Variants in ATP5IF1 observed in about 807,000 individuals in gnomAD.
ATP5IF1 encodes ATPase inhibitor, mitochondrial.
Under a neutral mutation model 8.5 loss-of-function variants are expected in ATP5IF1, and 12 were observed. That is an observed-to-expected ratio of 1.41 (90% CI 0.90 to 2.28). The LOEUF is 2.28. ATP5IF1 is among the 30% of genes most tolerant of loss of function. The pLI, the probability that ATP5IF1 is intolerant of heterozygous loss-of-function variation, is 0.00. For missense variants in ATP5IF1, 154 were observed against 140.2 expected, an observed-to-expected ratio of 1.10 and a Z score of -0.50; for synonymous variants, 51 against 53.4, an observed-to-expected ratio of 0.96 and a Z score of 0.19.
intron 2 of ATP5IF1, chr1:28,236,883 C>T (rs1402359532): frequency 8.9e-7 from 1 of 1,128,358 alleles, no homozygotes; most frequent in Non-Finnish European, 1.1e-6. Flanking sequence ...CCTTCCTCGC[C>T]AGCACGCCTT....
In ATP5IF1 at chr1:28,236,194, CG is replaced by C. The variant is rs1647032717; in HGVS notation, c.13del (p.Ala5ArgfsTer13). The C allele has an allele frequency of 6.2e-7, 1 of 1,613,394 alleles. No homozygotes were observed. Among genetic ancestry groups the C allele is most frequent in the East Asian group, 2.2e-5 (1 of 44,880 alleles). MAV[T>X]ALAARTWLGV... Reference sequence around the variant, plus strand: ...GCAGCTCCAGCAGCAATGGCAGTGACGGCGTTGGCGGCGCGGACGTGGCTTG... The same window carrying C: ...GCAGCTCCAGCAGCAATGGCAGTGACGCGTTGGCGGCGCGGACGTGGCTTG... On this transcript the variant is annotated frameshift_variant, in exon 1 of 3. Transcript: ENST00000335514. LOFTEE classifies it high-confidence loss of function.
chr1:28,238,030 G>A lies in ATP5IF1; in HGVS notation c.*52G>A, dbSNP rs748861519. 17 of 1,545,666 alleles carry A rather than the reference G, an allele frequency of 1.1e-5. No homozygotes were observed. The highest frequency in any genetic ancestry group is 1.5e-5 in the Non-Finnish European group (17 of 1,142,482). ...ACATGTCATTGCCCACTTCTGTGTA[G>A]ACATGGTTCTGGTTTAACTAATATT... is the stretch of plus-strand genomic sequence containing the variant. On this transcript the variant is annotated 3_prime_UTR_variant, in exon 3 of 3. Transcript: ENST00000335514.
intron 2 of ATP5IF1, chr1:28,237,330 A>G: frequency 9.9e-7 from 1 of 1,008,896 alleles, no homozygotes; most frequent in African/African-American, 1.7e-5. Flanking sequence ...CCAAACCAAC[A>G]TTGTAATCCA....
At chr1:28,237,384 G>A in intron 2 of ATP5IF1, 1 of 1,062,324 alleles carries the variant, frequency 9.4e-7, no homozygotes, top group South Asian at 3.3e-5. Flanking sequence ...TACTGCGCAT[G>A]CAAGAGACCC....
chr1:28,236,212 C>A lies in ATP5IF1; in HGVS notation c.29C>A (p.Thr10Lys), dbSNP rs776409943. Residue 10 changes from threonine (T) to lysine (K), a missense_variant, in exon 1 of 3, where the codon ACG becomes AAG. Transcript: ENST00000335514. ...GCAGTGACGGCGTTGGCGGCGCGGA[C>A]GTGGCTTGGCGTGTGGGGCGTGAGG... MAVTALAAR[T>K]WLGVWGVRTM... 1.2e-6 allele frequency: 2 copies of A among 1,613,636 alleles called. No homozygotes were observed. Among genetic ancestry groups the A allele is most frequent in the East Asian group, 2.2e-5 (1 of 44,882 alleles).
chr1:28,237,795 T>C lies in ATP5IF1; in HGVS notation c.180-42T>C, dbSNP rs773657021. Reference sequence around the variant, plus strand: ...GTTATGCTTTGAGATCTCTTTGGGGTGAAGGATTGAAATTAAACCCTGAGC... The same window carrying C: ...GTTATGCTTTGAGATCTCTTTGGGGCGAAGGATTGAAATTAAACCCTGAGC... On this transcript the variant is annotated intron_variant, in intron 2 of 2. Coordinates refer to ENST00000335514, the MANE Select transcript of ATP5IF1 (RefSeq NM_016311.5). 6.2e-6 allele frequency: 10 copies of C among 1,613,946 alleles called. No individual in the cohort carries two copies. The South Asian group carries it at 9.9e-5, about 16-fold the overall frequency.
In ATP5IF1 at chr1:28,236,206, C is replaced by T; in HGVS notation, c.23C>T (p.Ala8Val). The stretch of plus-strand genomic sequence containing the variant: ...GCAATGGCAGTGACGGCGTTGGCGG[C>T]GCGGACGTGGCTTGGCGTGTGGGGC... MAVTALA[A>V]RTWLGVWGVR... Residue 8 changes from alanine (A) to valine (V), a missense_variant, in exon 1 of 3, where the codon GCG becomes GTG. Coordinates refer to ENST00000335514, the MANE Select transcript of ATP5IF1 (RefSeq NM_016311.5). The T allele has an allele frequency of 6.2e-7, 1 of 1,613,658 alleles. No individual in the cohort carries two copies. Among genetic ancestry groups the T allele is most frequent in the Non-Finnish European group, 8.5e-7 (1 of 1,179,958 alleles).
intron 2 of ATP5IF1, 168 bp downstream of exon 2, chr1:28,236,620 T>A: frequency 6.6e-7 from 1 of 1,526,170 alleles, no homozygotes; most frequent in Non-Finnish European, 8.8e-7. Context: ...GTCCCGACCG[T>A]TGCCACGTAT....
At position 28,236,429 on chromosome 1, in the gene ATP5IF1, G is replaced by A. The variant is rs758662637; in HGVS notation, c.156G>A (p.Gln52=). The A allele has an allele frequency of 1.8e-5, 29 of 1,614,260 alleles. 1 individual carries two copies. In the South Asian group the frequency reaches 3.1e-4, roughly 17 times the overall value. ...EAGGAFGKRE[Q]AEEERYFRAQ... Reference sequence around the variant, plus strand: ...GTGGGGCCTTCGGAAAGAGAGAGCAGGCTGAAGAGGAACGATATTTCCGGT... The same window carrying A: ...GTGGGGCCTTCGGAAAGAGAGAGCAAGCTGAAGAGGAACGATATTTCCGGT... Residue 52 remains glutamine, a synonymous_variant, in exon 2 of 3, where the codon CAG becomes CAA. Transcript: ENST00000335514.
rs1288748015 is a variant in ATP5IF1, at chr1:28,237,617, A to T, written c.180-220A>T. 7.5e-6 allele frequency: 11 copies of T among 1,468,080 alleles called. No individual in the cohort carries two copies. The South Asian group carries it at 1.0e-4, about 14-fold the overall frequency. The allele number at this position is 1,468,080 out of a possible 1,614,324, so 90.9% of individuals were successfully genotyped here. A position where few individuals can be genotyped will look rare whatever the true frequency, so the allele number is the denominator to read the frequency against. On this transcript the variant is annotated intron_variant, in intron 2 of 2. Coordinates refer to ENST00000335514, the MANE Select transcript of ATP5IF1 (RefSeq NM_016311.5). ...CTCTCTGGAGTTTTCTATTTTAAAGAGGAATCTGAAAGCAATAAGCTCTTT... is the reference window on the plus strand; with the variant it reads ...CTCTCTGGAGTTTTCTATTTTAAAGTGGAATCTGAAAGCAATAAGCTCTTT...
chr1:28,236,422 G>A lies in ATP5IF1; in HGVS notation c.149G>A (p.Arg50Lys). Reference sequence around the variant, plus strand: ...GAAGCCGGTGGGGCCTTCGGAAAGAGAGAGCAGGCTGAAGAGGAACGATAT... The same window carrying A: ...GAAGCCGGTGGGGCCTTCGGAAAGAAAGAGCAGGCTGAAGAGGAACGATAT... The part of the protein sequence containing the change: ...IREAGGAFGK[R>K]EQAEEERYFR... The change falls in exon 2 of 3, where the codon AGA (arginine) becomes AAA (lysine). Residue 50 changes from arginine (R) to lysine (K), a missense_variant. Physicochemically the swap from Arg to Lys is conservative, Grantham distance 26. Coordinates refer to ENST00000335514, the MANE Select transcript of ATP5IF1 (RefSeq NM_016311.5). 6.2e-7 allele frequency: 1 copy of A among 1,614,206 alleles called. No homozygotes were observed. Among genetic ancestry groups the A allele is most frequent in the Non-Finnish European group, 8.5e-7 (1 of 1,180,040 alleles).
Position 28,236,141 on chromosome 1 carries a change from T to C in ATP5IF1, c.-43T>C, listed in dbSNP as rs1647031212. 6.2e-7 allele frequency: 1 copy of C among 1,605,584 alleles called. No individual in the cohort carries two copies. Among genetic ancestry groups the C allele is most frequent in the African/African-American group, 1.3e-5 (1 of 74,924 alleles). ...CTGCCATTAGCGCGTAACGAGAGACTGCTTGCTGCGGCAGAGACGCCAGAG... is the reference window on the plus strand; with the variant it reads ...CTGCCATTAGCGCGTAACGAGAGACCGCTTGCTGCGGCAGAGACGCCAGAG... On this transcript the variant is annotated 5_prime_UTR_variant, in exon 1 of 3. Transcript: ENST00000335514.
intron 2 of ATP5IF1, 157 bp from the exon 3 acceptor site, chr1:28,237,680 G>A: frequency 6.3e-7 from 1 of 1,580,942 alleles, no homozygotes; most frequent in Admixed American, 1.9e-5. Flanking sequence ...TTTAAGATGG[G>A]GTATTCTTTC....
intron 2 of ATP5IF1, chr1:28,237,599 G>C (rs1234838099): frequency 6.9e-7 from 1 of 1,456,568 alleles, no homozygotes; most frequent in Non-Finnish European, 9.0e-7. Flanking sequence ...CATCTCTCTG[G>C]AGTTTTCTAT....
rs746625470 is a variant in ATP5IF1 at position 28,236,431 on chromosome 1, C to T, written c.158C>T (p.Ala53Val). The change falls in exon 2 of 3, where the codon GCT (alanine) becomes GTT (valine). Residue 53 changes from alanine to valine, a missense_variant. Coordinates refer to ENST00000335514, the MANE Select transcript of ATP5IF1 (RefSeq NM_016311.5). ...AGGAFGKREQ[A>V]EEERYFRAQS... ...GGGGCCTTCGGAAAGAGAGAGCAGG[C>T]TGAAGAGGAACGATATTTCCGGTGA... 17 of 1,614,232 alleles carry T rather than the reference C, an allele frequency of 1.1e-5. No individual in the cohort carries two copies. The highest frequency in any genetic ancestry group is 1.4e-5 in the Non-Finnish European group (16 of 1,180,044).
intron 2 of ATP5IF1, chr1:28,237,564 C>A: frequency 1.4e-6 from 2 of 1,418,420 alleles, no homozygotes; most frequent in Non-Finnish European, 1.8e-6. Flanking sequence ...TTGTTCCCCT[C>A]ATAAGGTATT....
intron 2 of ATP5IF1, chr1:28,237,458 T>C (rs1031182458): frequency 8.0e-7 from 1 of 1,252,146 alleles, no homozygotes; most frequent in African/African-American, 1.5e-5. Context: ...CAGATTGGAA[T>C]AGGAAATGGA....
Position 28,238,021 on chromosome 1 carries a change from TTC to T in ATP5IF1, c.*45_*46del. 6.4e-7 allele frequency: 1 copy of T among 1,566,064 alleles called. No individual in the cohort carries two copies. The highest frequency in any genetic ancestry group is 1.4e-5 in the African/African-American group (1 of 73,842). Reference sequence around the variant, plus strand: ...TAGAATGGCACATGTCATTGCCCACTTCTGTGTAGACATGGTTCTGGTTTAAC... The same window carrying T: ...TAGAATGGCACATGTCATTGCCCACTTGTGTAGACATGGTTCTGGTTTAAC... On this transcript the variant is annotated 3_prime_UTR_variant, in exon 3 of 3. Transcript: ENST00000335514.
At chr1:28,237,048 T>C in intron 2 of ATP5IF1, 1 of 1,000,574 alleles carries the variant, frequency 1.0e-6, no homozygotes, top group South Asian at 4.2e-5. Flanking sequence ...CCTAGACCTG[T>C]AGATTTCCCT....
Sources: gnomAD v4.1 joint callset for allele counts on GRCh38, gnomAD v4.1.1 for gene constraint, MANE v1.5 for transcripts, NCBI Gene and HGNC (gene_info 2026-07-23, HGNC 2026-07-21) for gene names.